Variants in FHIP2B observed in about 807,000 individuals in gnomAD.
FHIP2B encodes the protein FHF complex subunit HOOK-interacting protein 2B.
Under a neutral mutation model 84.0 loss-of-function variants are expected in FHIP2B, and 72 were observed. That is an observed-to-expected ratio of 0.86 (90% CI 0.71 to 1.04). FHIP2B has a LOEUF of 1.04. Ranked by LOEUF, FHIP2B falls within the 50% of genes least tolerant of loss-of-function variation. The probability of loss-of-function intolerance (pLI) is 0.00; values close to 1 mark genes in which losing one functional copy is unlikely to be tolerated. For synonymous variants in FHIP2B, 497 were observed against 418.7 expected, an observed-to-expected ratio of 1.19 and a Z score of -2.28; for missense variants, 972 against 968.9, an observed-to-expected ratio of 1.00 and a Z score of -0.04.
chr8:22,090,258 G>A (rs1020835494), intron 1 of FHIP2B, among the ~76,000 whole-genome samples: 1 of 152,016 alleles, frequency 6.6e-6, no homozygotes, highest in Non-Finnish European at 1.5e-5. Flanking sequence ...GATGAGTTGA[G>A]TATCAGATTT....
At chr8:22,099,481 T>C (rs928157703) in intron 9 of FHIP2B, 121 bp downstream of exon 9, 1 of 1,180,666 alleles carries the variant, frequency 8.5e-7, no homozygotes, top group Middle Eastern at 2.0e-4. Flanking sequence ...GTGGACCCCA[T>C]TGGGTGATGT....
At chr8:22,097,653 T>C in intron 4 of FHIP2B, 33 bp downstream of exon 4, 1 of 1,603,608 alleles carries the variant, frequency 6.2e-7, no homozygotes, top group Non-Finnish European at 8.5e-7. Flanking sequence ...GGTGTCTGGG[T>C]GTGAGGCCCC....
chr8:22,102,717 TC>T, intron 16 of FHIP2B, 75 bp from the exon 17 acceptor site: 1 of 1,601,908 alleles, frequency 6.2e-7, no homozygotes, highest in Non-Finnish European at 8.5e-7. Flanking sequence ...GGGTCAAGCC[TC>T]GTGGATGCTG....
chr8:22,092,405 C>G (rs1488861140), intron 1 of FHIP2B, among the ~76,000 whole-genome samples: 1 of 152,134 alleles, frequency 6.6e-6, no homozygotes, highest in Non-Finnish European at 1.5e-5. Context: ...CATGGTGAAA[C>G]CCCGTCTCTA....
At chr8:22,096,157 G>C (rs916407668) in intron 2 of FHIP2B, 180 bp from the exon 3 acceptor site, 13 of 601,198 alleles carry the variant, frequency 2.2e-5, no homozygotes, top group African/African-American at 2.1e-4. Flanking sequence ...AAGGACTTTT[G>C]TCTTCTTAAA....
intron 6 of FHIP2B, 47 bp from the exon 7 acceptor site, chr8:22,098,376 T>C (rs767138257): frequency 3.9e-6 from 6 of 1,534,174 alleles, no homozygotes; most frequent in South Asian, 3.7e-5. Flanking sequence ...GGGGGGTGAT[T>C]TGGGGGCTCA....
intron 1 of FHIP2B, among the ~76,000 whole-genome samples, chr8:22,091,630 G>C (rs1436434993): frequency 1.3e-5 from 2 of 152,196 alleles, no homozygotes; most frequent in East Asian, 3.8e-4. Context: ...GTTAGGTAAA[G>C]ATCACACACC....
chr8:22,099,133 G>A (rs1825958577), intron 8 of FHIP2B, 77 bp downstream of exon 8: 2 of 1,504,908 alleles, frequency 1.3e-6, no homozygotes, highest in Non-Finnish European at 1.8e-6. Flanking sequence ...AAGTGGAGCA[G>A]GGACATGGAA....
chr8:22,101,976 G>T (rs1826144839), intron 14 of FHIP2B, 125 bp downstream of exon 14: 2 of 1,501,700 alleles, frequency 1.3e-6, no homozygotes, highest in South Asian at 2.6e-5. Context: ...CTTTCCCCAG[G>T]TGGGAAGCCC....
rs749745376 is a variant in FHIP2B, at chr8:22,099,881, C to T, written c.1329C>T (p.His443=). The T allele has an allele frequency of 6.2e-6, 10 of 1,610,724 alleles. No homozygotes were observed. Among genetic ancestry groups the T allele is most frequent in the Non-Finnish European group, 8.5e-7 (1 of 1,178,734 alleles). The part of the protein sequence containing the change: ...LYAHLIGHCD[H]LSDEISITTL... ...CTCATCTCATCGGGCATTGTGACCACCTCTCTGATGAGGTACAGTGGGGGA... is the reference window on the plus strand; with the variant it reads ...CTCATCTCATCGGGCATTGTGACCATCTCTCTGATGAGGTACAGTGGGGGA... Residue 443 remains histidine, a synonymous_variant, in exon 10 of 17, where the codon CAC becomes CAT. Transcript: ENST00000289921.
chr8:22,089,414 C>T (rs1314502528), intron 1 of FHIP2B, 116 bp downstream of exon 1: 6 of 507,180 alleles, frequency 1.2e-5, no homozygotes, highest in Non-Finnish European at 1.3e-5. Context: ...CCCCCTCGGG[C>T]AGGGACCCCC....
rs867552028 is a variant in FHIP2B, at chr8:22,089,166, C to A, written c.-88C>A. ...CCGGGCCCCGCCCCCCTCGTCGCGCCGGGGCCGCCGGGGCCACGGGGCTGC... is the reference window on the plus strand; with the variant it reads ...CCGGGCCCCGCCCCCCTCGTCGCGCAGGGGCCGCCGGGGCCACGGGGCTGC... On this transcript the variant is annotated 5_prime_UTR_variant, in exon 1 of 17. Transcript: ENST00000289921. The A allele has an allele frequency of 5.4e-5, 47 of 877,144 alleles. No individual in the cohort carries two copies. The African/African-American group carries it at 7.2e-4, about 14-fold the overall frequency. The allele number at this position is 877,144 out of a possible 1,614,324, so 54.3% of individuals were successfully genotyped here.
At chr8:22,094,247 A>T (rs563115199) in intron 1 of FHIP2B, among the ~76,000 whole-genome samples, 193 bp from the exon 2 acceptor site, 2 of 152,278 alleles carry the variant, frequency 1.3e-5, no homozygotes, top group Admixed American at 6.5e-5. Context: ...AGTGCCTGTC[A>T]GGAGATCCTT....
rs745760173 is a variant in FHIP2B, at chr8:22,100,691, C to G, written c.1439C>G (p.Pro480Arg). ...SLVLRNLEGR[P>R]YVAWGSPEPE... ...GTCCTGCGCAACCTTGAGGGCCGCCCTTACGTGGCCTGGGGCTCACCAGAG... is the reference window on the plus strand; with the variant it reads ...GTCCTGCGCAACCTTGAGGGCCGCCGTTACGTGGCCTGGGGCTCACCAGAG... The change falls in exon 11 of 17, where the codon CCT (proline) becomes CGT (arginine). Residue 480 changes from proline to arginine, a missense_variant. Pro to Arg is a moderately radical substitution (Grantham distance 103). Transcript: ENST00000289921. 3 of 1,606,710 alleles carry G rather than the reference C, an allele frequency of 1.9e-6. No homozygotes were observed. The highest frequency in any genetic ancestry group is 2.2e-5 in the East Asian group (1 of 44,782).
intron 5 of FHIP2B, 26 bp downstream of exon 5, chr8:22,097,865 G>T (rs377182092): frequency 1.1e-4 from 169 of 1,608,360 alleles, no homozygotes; most frequent in Admixed American, 1.3e-4. Flanking sequence ...GGGAACAGGA[G>T]GGGGAGGGCC....
At position 22,100,600 on chromosome 8, in the gene FHIP2B, A is replaced by G; in HGVS notation, c.1348A>G (p.Ile450Val). 1 of 1,552,488 alleles carries G rather than the reference A, an allele frequency of 6.4e-7. No individual in the cohort carries two copies. The highest frequency in any genetic ancestry group is 8.7e-7 in the Non-Finnish European group (1 of 1,149,904). Residue 450 changes from isoleucine to valine, a missense_variant, in exon 11 of 17, where the codon ATC becomes GTC. By Grantham distance (29) the Ile-to-Val change is conservative. Coordinates refer to ENST00000289921, the MANE Select transcript of FHIP2B (RefSeq NM_022749.7). ...HCDHLSDEIS[I>V]TTLRLFEELL... ...GACCCCCTTCCTGCTCCAGATCAGC[A>G]TCACCACACTCCGGCTGTTTGAGGA...
Position 22,096,372 on chromosome 8 carries a change from T to C in FHIP2B, c.160T>C (p.Trp54Arg). ...CCCCGCCAAGAAGACAGACATTCCC[T>C]GGCGGCTGAAGCAGATGCTGGATAT... Reference protein sequence around the residue: ...STPAKKTDIPWRLKQMLDILV... With the variant: ...STPAKKTDIPRRLKQMLDILV... Residue 54 changes from tryptophan (W) to arginine (R), a missense_variant, in exon 3 of 17, where the codon TGG (tryptophan) becomes CGG (arginine). By Grantham distance (101) the Trp-to-Arg change is moderately radical (BLOSUM62 -3). Coordinates refer to ENST00000289921, the MANE Select transcript of FHIP2B (RefSeq NM_022749.7). 6.4e-7 allele frequency: 1 copy of C among 1,560,386 alleles called. No homozygotes were observed. The highest frequency in any genetic ancestry group is 8.7e-7 in the Non-Finnish European group (1 of 1,152,232).
intron 7 of FHIP2B, 29 bp downstream of exon 7, chr8:22,098,648 A>G (rs1350868020): frequency 1.3e-6 from 2 of 1,512,438 alleles, no homozygotes; most frequent in East Asian, 2.5e-5. Flanking sequence ...AAGGCCGGCC[A>G]GCATCTTCAG....
intron 12 of FHIP2B, 57 bp from the exon 13 acceptor site, chr8:22,101,382 CA>C: frequency 7.1e-7 from 1 of 1,409,254 alleles, no homozygotes; most frequent in Non-Finnish European, 9.8e-7. Context: ...TGGGGTCCCA[CA>C]AGCAGGGGAG....
Sources: gnomAD v4.1 joint callset for allele counts (sites outside exome capture counted in the v4.1 genomes callset) on GRCh38, gnomAD v4.1.1 for gene constraint, MANE v1.5 for transcripts, NCBI Gene and HGNC (gene_info 2026-07-23, HGNC 2026-07-21) for gene names.